The following GRXCR1 variants were observed in gnomAD, a reference collection of about 807,000 sequenced individuals.
GRXCR1 encodes the protein glutaredoxin domain-containing cysteine-rich protein 1.
In GRXCR1, 27 loss-of-function variants were observed where a neutral mutation model predicts 27.3. The ratio of observed to expected loss-of-function variants is 0.99; its 90% CI spans 0.73 to 1.37. The LOEUF (loss-of-function observed/expected upper bound fraction) is 1.37, where lower values mean the gene tolerates loss of function less well. GRXCR1 is among the 40% of genes most tolerant of loss of function. The probability of loss-of-function intolerance (pLI) is 0.00; values close to 1 mark genes in which losing one functional copy is unlikely to be tolerated. For synonymous variants in GRXCR1, 122 were observed against 131.1 expected, an observed-to-expected ratio of 0.93 and a Z score of 0.47; for missense variants, 379 against 354.4, an observed-to-expected ratio of 1.07 and a Z score of -0.56.
intron 1 of GRXCR1, among the ~76,000 whole-genome samples, chr4:42,936,718 C>T (rs910142250): frequency 3.3e-5 from 5 of 151,706 alleles, no homozygotes; most frequent in African/African-American, 1.2e-4. Flanking sequence ...TTTTGGTGAT[C>T]TTGATAGTCG....
At chr4:43,013,588 T>A (rs4295303) in intron 2 of GRXCR1, among the ~76,000 whole-genome samples, 77,720 of 151,456 alleles carry the variant, frequency 0.51, 20,205 homozygotes, top group East Asian at 0.79. Context: ...TCATGCATTA[T>A]ACCCAGGTAA....
intron 2 of GRXCR1, among the ~76,000 whole-genome samples, chr4:42,981,043 T>C (rs1043740486): frequency 1.3e-5 from 2 of 151,910 alleles, no homozygotes; most frequent in Non-Finnish European, 2.9e-5. Flanking sequence ...TATTGATAGA[T>C]AATACTACTG....
At chr4:42,956,403 T>C (rs1381168502) in intron 1 of GRXCR1, among the ~76,000 whole-genome samples, 1 of 151,674 alleles carries the variant, frequency 6.6e-6, no homozygotes, top group African/African-American at 2.4e-5. Flanking sequence ...CCAGATGCTT[T>C]GACAAATCTA....
At chr4:42,902,757 A>G (rs1415556150) in intron 1 of GRXCR1, among the ~76,000 whole-genome samples, 3 of 152,156 alleles carry the variant, frequency 2.0e-5, no homozygotes, top group Admixed American at 1.3e-4. Context: ...AGGTGATGGG[A>G]TGATCTGTGC....
chr4:42,974,308 T>C (rs1475609462), intron 2 of GRXCR1, among the ~76,000 whole-genome samples: 2 of 152,118 alleles, frequency 1.3e-5, no homozygotes, highest in Non-Finnish European at 2.9e-5. Flanking sequence ...GTTCCTTTAT[T>C]AGACCTGCTG....
chr4:42,989,637 T>G (rs1245873669), intron 2 of GRXCR1, among the ~76,000 whole-genome samples: 2 of 152,096 alleles, frequency 1.3e-5, no homozygotes, highest in African/African-American at 4.8e-5. Context: ...TCACTGTCAA[T>G]CCACTTACAT....
chr4:43,005,725 G>A (rs1233861221), intron 2 of GRXCR1, among the ~76,000 whole-genome samples: 3 of 152,166 alleles, frequency 2.0e-5, no homozygotes, highest in Non-Finnish European at 4.4e-5. Flanking sequence ...GTGAAGGGCA[G>A]GGAGACCAAG....
chr4:43,019,994 G>A (rs1207100873), intron 2 of GRXCR1, among the ~76,000 whole-genome samples: 1 of 152,118 alleles, frequency 6.6e-6, no homozygotes, highest in Non-Finnish European at 1.5e-5. Flanking sequence ...CCGAGGGTGG[G>A]AATTTGCTCC....
intron 2 of GRXCR1, among the ~76,000 whole-genome samples, chr4:43,014,985 T>C (rs1712886352): frequency 6.6e-6 from 1 of 152,034 alleles, no homozygotes; most frequent in Non-Finnish European, 1.5e-5. Context: ...TCTGGGAAAA[T>C]AAAGAAAGCT....
intron 1 of GRXCR1, among the ~76,000 whole-genome samples, chr4:42,961,748 C>T (rs1308228574): frequency 6.6e-6 from 1 of 151,976 alleles, no homozygotes; most frequent in African/African-American, 2.4e-5. Context: ...GTATTGGCAT[C>T]TTTATGACAT....
intron 1 of GRXCR1, among the ~76,000 whole-genome samples, chr4:42,914,367 T>C (rs1006457936): frequency 1.3e-5 from 2 of 152,132 alleles, no homozygotes; most frequent in Non-Finnish European, 2.9e-5. Flanking sequence ...AGACATGGAG[T>C]CAAAGAAGAT....
chr4:42,946,822 G>A (rs1747754857), intron 1 of GRXCR1, among the ~76,000 whole-genome samples: 1 of 152,048 alleles, frequency 6.6e-6, no homozygotes, highest in Non-Finnish European at 1.5e-5. Context: ...GAATTTTTAG[G>A]GGACACAGTC....
chr4:42,931,623 T>G (rs1472242825), intron 1 of GRXCR1, among the ~76,000 whole-genome samples: 2 of 151,910 alleles, frequency 1.3e-5, no homozygotes, highest in East Asian at 3.9e-4. Context: ...ATTATATATA[T>G]TTATTTTGTA....
At position 42,933,943 on chromosome 4, in the gene GRXCR1, C is replaced by A. The variant is rs190033420; in HGVS notation, c.385-28949C>A. 4.6e-4 allele frequency among the ~76,000 whole-genome samples: 70 copies of A among 151,992 alleles called. 1 individual carries two copies. Among genetic ancestry groups the A allele is most frequent in the African/African-American group, 1.5e-3 (64 of 41,534 alleles). On this transcript the variant is annotated intron_variant, in intron 1 of 3. Coordinates refer to ENST00000399770, the MANE Select transcript of GRXCR1 (RefSeq NM_001080476.3). The stretch of plus-strand genomic sequence containing the variant: ...GGGAAGTAAAGAGCAGGGCACGCCA[C>A]TCCACCTCCTTCCCCCAAGTGAGAT...
intron 1 of GRXCR1, among the ~76,000 whole-genome samples, chr4:42,902,944 A>C (rs1373183580): frequency 1.3e-5 from 2 of 152,170 alleles, no homozygotes; most frequent in African/African-American, 2.4e-5. Flanking sequence ...GGTCATCTTA[A>C]TTCCTATAGT....
rs879410526 is a variant in GRXCR1, at chr4:43,020,509, C to G, written c.693+90C>G. On this transcript the variant is annotated intron_variant, in intron 3 of 3. Transcript: ENST00000399770. ...GAGTTTTCCTAATTGAATTCTCTCT[C>G]CCCATGTTCTTACAAATATGCAATA... is the stretch of plus-strand genomic sequence containing the variant. 45 of 835,598 alleles carry G rather than the reference C, an allele frequency of 5.4e-5. No homozygotes were observed. In the African/African-American group the frequency reaches 7.1e-4, roughly 13 times the overall value. 51.8% of individuals were successfully genotyped at this position (835,598 alleles called of 1,614,324 possible). A position where few individuals can be genotyped will look rare whatever the true frequency, so the allele number is the denominator to read the frequency against.
chr4:42,936,235 C>T (rs979198340), intron 1 of GRXCR1, among the ~76,000 whole-genome samples: 34 of 151,758 alleles, frequency 2.2e-4, no homozygotes, highest in African/African-American at 7.7e-4. Context: ...TTACTGTAGA[C>T]CAAAATTTGC....
intron 1 of GRXCR1, among the ~76,000 whole-genome samples, chr4:42,897,921 CTATTATTATTATTATTAT>C (rs3075913): frequency 7.9e-6 from 1 of 127,040 alleles, no homozygotes; most frequent in African/African-American, 2.7e-5. Flanking sequence ...AAAGTTATTA[CTATTATTATTATTATTAT>C]TATTATTATT....
intron 1 of GRXCR1, among the ~76,000 whole-genome samples, chr4:42,922,246 T>C (rs1471501455): frequency 6.6e-6 from 1 of 152,138 alleles, no homozygotes; most frequent in Non-Finnish European, 1.5e-5. Context: ...GGATACACTG[T>C]CACTGCCCCT....
Sources: allele counts gnomAD v4.1 joint callset (sites outside exome capture counted in the v4.1 genomes callset), GRCh38; gene constraint gnomAD v4.1.1; transcripts MANE v1.5; gene names NCBI Gene and HGNC (gene_info 2026-07-23, HGNC 2026-07-21).